Variants in SPOP observed in about 807,000 individuals in gnomAD.
SPOP encodes speckle-type POZ protein.
Under a neutral mutation model 45.6 loss-of-function variants are expected in SPOP, and 11 were observed. The observed-to-expected ratio is 0.24, with a 90% confidence interval of 0.15 to 0.40. The LOEUF is 0.40. Ranked by LOEUF, SPOP falls within the 10% of genes least tolerant of loss-of-function variation. SPOP has a pLI of 1.00. For synonymous variants in SPOP, 166 were observed against 166.3 expected (o/e 1.00, Z 0.01); for missense variants, 152 against 465.6 (o/e 0.33, Z 6.20).
chr17:49,612,301 A>G (rs2071991236), intron 5 of SPOP, among the ~76,000 whole-genome samples: 1 of 152,266 alleles, frequency 6.6e-6, no homozygotes. Context: ...ATATTAGTTT[A>G]ATGAACATGA....
In SPOP at chr17:49,678,068, TACACACCGAC is replaced by T. The variant is rs1360110672; in HGVS notation, c.-212_-203del. ...GAGCGCGCACACTCACACACACACA[TACACACCGAC>T]ACACACCAGCCGGGGCGTCATGGCG... On this transcript the variant is annotated 5_prime_UTR_variant, in exon 1 of 10. Transcript: ENST00000504102. The T allele has an allele frequency of 3.3e-5, 13 of 396,804 alleles. No homozygotes were observed. Among genetic ancestry groups the T allele is most frequent in the South Asian group, 1.3e-4 (1 of 7,796 alleles). 24.6% of individuals were successfully genotyped at this position (396,804 alleles called of 1,614,324 possible).
At position 49,619,622 on chromosome 17, in the gene SPOP, T is replaced by G. The variant is rs2072176389; in HGVS notation, c.201-237A>C. Among the ~76,000 whole-genome samples the G allele has an allele frequency of 6.6e-6, 1 of 152,060 alleles. No homozygotes were observed. The highest frequency in any genetic ancestry group is 2.4e-5 in the African/African-American group (1 of 41,404). On this transcript the variant is annotated intron_variant, in intron 3 of 9. Coordinates refer to ENST00000504102, the MANE Select transcript of SPOP (RefSeq NM_001007228.2). This position sits in a 1 kb window ranked among gnomAD's most constrained non-coding sequence, Gnocchi z 4.9. ...ATCATGGCTTACTGCAACCTCGATC[T>G]CCCTGGGCTCAGGTGATCCTCCCAC... is the stretch of plus-strand genomic sequence containing the variant.
chr17:49,608,042 G>A (rs2071888300), intron 6 of SPOP, 113 bp from the exon 7 acceptor site: 1 of 770,742 alleles, frequency 1.3e-6, no homozygotes, highest in Non-Finnish European at 2.0e-6. Flanking sequence ...TATAGGAAAG[G>A]TCTCTACCTC....
At chr17:49,622,999 G>A in intron 1 of SPOP, 123 bp from the exon 2 acceptor site, 2 of 543,412 alleles carry the variant, frequency 3.7e-6, no homozygotes, top group Non-Finnish European at 6.5e-6. Flanking sequence ...CCTTACCACT[G>A]AGGTCCTAAA....
intron 1 of SPOP, among the ~76,000 whole-genome samples, chr17:49,640,042 G>A (rs2072617001): frequency 6.6e-6 from 1 of 152,150 alleles, no homozygotes; most frequent in Non-Finnish European, 1.5e-5. Context: ...TTGAGATCAG[G>A]AGTTCAAGAC....
At chr17:49,625,280 T>C (rs1053192451) in intron 1 of SPOP, among the ~76,000 whole-genome samples, 2 of 152,212 alleles carry the variant, frequency 1.3e-5, no homozygotes, top group Non-Finnish European at 2.9e-5. Flanking sequence ...TTGTATTATT[T>C]CCATGTAATA....
chr17:49,599,629 A>G lies in SPOP; in HGVS notation c.*749T>C, dbSNP rs2071704043. 3 of 213,730 alleles carry G rather than the reference A, an allele frequency of 1.4e-5. No individual in the cohort carries two copies. The highest frequency in any genetic ancestry group is 9.5e-6 in the Non-Finnish European group (1 of 105,646). The allele number at this position is 213,730 out of a possible 1,614,324, so 13.2% of individuals were successfully genotyped here. A position where few individuals can be genotyped will look rare whatever the true frequency, so the allele number is the denominator to read the frequency against. ...GAGAACCATAGTTCTTGTCAAGACA[A>G]TATGAATTCTGGATGAGTTATTTTT... On this transcript the variant is annotated 3_prime_UTR_variant, in exon 10 of 10. Coordinates refer to ENST00000504102, the MANE Select transcript of SPOP (RefSeq NM_001007228.2).
At chr17:49,677,806 C>A (rs2073223199) in intron 1 of SPOP, 127 bp downstream of exon 1, 1 of 351,964 alleles carries the variant, frequency 2.8e-6, no homozygotes, top group East Asian at 3.8e-5. Flanking sequence ...GGAAATGGGA[C>A]TGAGGAGAGT....
rs1217160282 is a variant in SPOP at position 49,641,084 on chromosome 17, G to A, written c.-66-18208C>T. ...TCAAGACCAGCCTGGCCAATATGGTGAAACCCCGTCTCTACTAAAAACACA... is the reference window on the plus strand; with the variant it reads ...TCAAGACCAGCCTGGCCAATATGGTAAAACCCCGTCTCTACTAAAAACACA... On this transcript the variant is annotated intron_variant, in intron 1 of 9. Transcript: ENST00000504102. Among the ~76,000 whole-genome samples, 7 of 151,938 alleles carry A rather than the reference G, an allele frequency of 4.6e-5. 1 individual carries two copies. In the South Asian group the frequency reaches 1.0e-3, roughly 23 times the overall value.
intron 8 of SPOP, among the ~76,000 whole-genome samples, chr17:49,606,093 T>C (rs1321507598): frequency 6.6e-6 from 1 of 152,160 alleles, no homozygotes; most frequent in Non-Finnish European, 1.5e-5. Context: ...TCTATACTAA[T>C]TAATACAATA....
chr17:49,663,096 C>T (rs376509530), intron 1 of SPOP, among the ~76,000 whole-genome samples: 1 of 152,224 alleles, frequency 6.6e-6, no homozygotes, highest in Non-Finnish European at 1.5e-5. Context: ...AGCCCCAGGG[C>T]GGCAGACCTT....
At position 49,600,657 on chromosome 17, in the gene SPOP, G is replaced by A. The variant is rs2071722903; in HGVS notation, c.981-135C>T. On this transcript the variant is annotated intron_variant, in intron 9 of 9. Coordinates refer to ENST00000504102, the MANE Select transcript of SPOP (RefSeq NM_001007228.2). This position sits in a 1 kb window ranked among gnomAD's most constrained non-coding sequence, Gnocchi z 4.2. Reference sequence around the variant, plus strand: ...CAAGAAACAGAAGAACCCTTAATATGCATAAGAATTTGCTTGTTAGACAAT... The same window carrying A: ...CAAGAAACAGAAGAACCCTTAATATACATAAGAATTTGCTTGTTAGACAAT... 1.1e-6 allele frequency: 1 copy of A among 928,588 alleles called. No homozygotes were observed. Among genetic ancestry groups the A allele is most frequent in the East Asian group, 2.6e-5 (1 of 38,308 alleles). The allele number at this position is 928,588 out of a possible 1,614,324, so 57.5% of individuals were successfully genotyped here.
intron 1 of SPOP, among the ~76,000 whole-genome samples, chr17:49,671,679 A>T (rs191695536): frequency 5.4e-4 from 83 of 152,320 alleles, no homozygotes; most frequent in Non-Finnish European, 9.8e-4. Flanking sequence ...TTAAAGAAAA[A>T]AAATTAAGAA....
At chr17:49,648,441 T>C (rs2072792377) in intron 1 of SPOP, among the ~76,000 whole-genome samples, 1 of 152,210 alleles carries the variant, frequency 6.6e-6, no homozygotes, top group South Asian at 2.1e-4. Context: ...TCTTAGGGCC[T>C]TTGCATTCTT....
chr17:49,610,212 CTTGAG>C (rs1337965187), intron 6 of SPOP, among the ~76,000 whole-genome samples: 3 of 151,972 alleles, frequency 2.0e-5, no homozygotes, highest in Non-Finnish European at 4.4e-5. Context: ...TATAGACTTC[CTTGAG>C]TTTTGTTTTT....
chr17:49,600,217 G>T lies in SPOP; in HGVS notation c.*161C>A. 1 of 917,342 alleles carries T rather than the reference G, an allele frequency of 1.1e-6. No individual in the cohort carries two copies. Among genetic ancestry groups the T allele is most frequent in the Non-Finnish European group, 1.7e-6 (1 of 600,656 alleles). 56.8% of individuals were successfully genotyped at this position (917,342 alleles called of 1,614,324 possible). A position where few individuals can be genotyped will look rare whatever the true frequency, so the allele number is the denominator to read the frequency against. ...TTTTCCCTCCCCCCGTTTCCCCCAA[G>T]TTATTTAGTGCTGTTTTAAAAGTCT... On this transcript the variant is annotated 3_prime_UTR_variant, in exon 10 of 10. Transcript: ENST00000504102. The surrounding 1 kb of genome is among the most constrained non-coding windows in gnomAD (Gnocchi z 4.2).
At chr17:49,631,298 A>C (rs1648953698) in intron 1 of SPOP, among the ~76,000 whole-genome samples, 1 of 152,208 alleles carries the variant, frequency 6.6e-6, no homozygotes, top group African/African-American at 2.4e-5. Context: ...AAAAATAAGG[A>C]AGCTCCATTT....
chr17:49,655,972 G>A (rs2072907866), intron 1 of SPOP, among the ~76,000 whole-genome samples: 2 of 151,964 alleles, frequency 1.3e-5, no homozygotes, highest in South Asian at 2.1e-4. Flanking sequence ...CACCATGCCC[G>A]GCTAATTTTT....
chr17:49,661,113 T>G (rs2072981877), intron 1 of SPOP, among the ~76,000 whole-genome samples: 1 of 152,212 alleles, frequency 6.6e-6, no homozygotes. Context: ...AAACTTTGCC[T>G]CACTTATATG....
Sources: allele counts gnomAD v4.1 joint callset (sites outside exome capture counted in the v4.1 genomes callset), GRCh38; gene constraint gnomAD v4.1.1; non-coding constraint Gnocchi (gnomAD v3.1); transcripts MANE v1.5; gene names NCBI Gene and HGNC (gene_info 2026-07-23, HGNC 2026-07-21).